PRDM10: variants seen among roughly 807,000 people sequenced by gnomAD.
The protein encoded by PRDM10 is PR/SET domain 10, also known as PR domain zinc finger protein 10.
PRDM10 carries 65 observed loss-of-function variants against 133.1 expected under a neutral mutation model. The observed-to-expected ratio is 0.49, with a 90% CI of 0.40 to 0.60. The LOEUF (loss-of-function observed/expected upper bound fraction) is 0.60. Among genes scored for constraint, PRDM10 ranks in the 20% least tolerant of loss-of-function variants. The pLI, the probability that PRDM10 is intolerant of heterozygous loss-of-function variation, is 0.00. For synonymous variants in PRDM10, 582 were observed against 580.4 expected (o/e 1.00, Z -0.04); for missense variants, 1,137 against 1,507.1 (o/e 0.75, Z 4.07).
intron 1 of PRDM10, among the ~76,000 whole-genome samples, chr11:129,993,289 CTT>C (rs1326294776): frequency 6.6e-6 from 1 of 152,152 alleles, no homozygotes; most frequent in Non-Finnish European, 1.5e-5. Flanking sequence ...CCTGTAGCAT[CTT>C]GTTTAAGAAA....
intron 20 of PRDM10, among the ~76,000 whole-genome samples, chr11:129,903,989 C>T (rs1949929640): frequency 6.6e-6 from 1 of 152,002 alleles, no homozygotes; most frequent in South Asian, 2.1e-4. Flanking sequence ...TCAATGGGTC[C>T]TACAGGGAAC....
chr11:129,916,251 A>G (rs1252110520), intron 15 of PRDM10, among the ~76,000 whole-genome samples: 1 of 152,224 alleles, frequency 6.6e-6, no homozygotes. Context: ...ACCAGGAGCC[A>G]GAGAATCTTC....
chr11:129,912,595 C>CA (rs546651851), intron 17 of PRDM10, among the ~76,000 whole-genome samples: 3 of 151,592 alleles, frequency 2.0e-5, no homozygotes, highest in African/African-American at 7.3e-5. Context: ...ACTGAAAATA[C>CA]AAAAAAATTA....
At chr11:129,979,036 G>C (rs1937955572) in intron 1 of PRDM10, among the ~76,000 whole-genome samples, 1 of 152,156 alleles carries the variant, frequency 6.6e-6, no homozygotes, top group Non-Finnish European at 1.5e-5. Context: ...GAAAATCCTT[G>C]AGAGTTCAAA....
At chr11:129,920,032 T>G (rs905657655) in intron 13 of PRDM10, among the ~76,000 whole-genome samples, 1 of 152,236 alleles carries the variant, frequency 6.6e-6, no homozygotes, top group African/African-American at 2.4e-5. Context: ...CTTTCTTTAG[T>G]GTGGATACAA....
chr11:129,947,523 C>A lies in PRDM10; in HGVS notation c.295-153G>T. On this transcript the variant is annotated intron_variant, in intron 4 of 20. Coordinates refer to ENST00000360871, the MANE Select transcript of PRDM10 (RefSeq NM_199437.2). The surrounding 1 kb of genome is among the most constrained non-coding windows in gnomAD (Gnocchi z 4.6). ...CCCTGGAAAAATGACTTCCATCTAC[C>A]GGCTGTGAGGAAGAGCTGGCTTCAT... The A allele has an allele frequency of 6.6e-7, 1 of 1,504,118 alleles. No individual in the cohort carries two copies. The highest frequency in any genetic ancestry group is 8.9e-7 in the Non-Finnish European group (1 of 1,129,636). 93.2% of individuals were successfully genotyped at this position (1,504,118 alleles called of 1,614,324 possible).
rs966349449 is a variant in PRDM10 at position 129,918,036 on chromosome 11, C to G, written c.2214+503G>C. 6.6e-6 allele frequency among the ~76,000 whole-genome samples: 1 copy of G among 152,060 alleles called. No individual in the cohort carries two copies. The highest frequency in any genetic ancestry group is 1.5e-5 in the Non-Finnish European group (1 of 68,022). On this transcript the variant is annotated intron_variant, in intron 14 of 20. Transcript: ENST00000360871. This position sits in a 1 kb window ranked among gnomAD's most constrained non-coding sequence, Gnocchi z 5.3. ...ATCCCAGCTACTCAGGAGGCTGAAG[C>G]AGGAGAATCGCTTGAACCTGGGAGG... is the stretch of plus-strand genomic sequence containing the variant.
chr11:129,922,771 T>C (rs1046990278), intron 13 of PRDM10, among the ~76,000 whole-genome samples: 1 of 152,214 alleles, frequency 6.6e-6, no homozygotes, highest in Non-Finnish European at 1.5e-5. Context: ...CTCATAATGT[T>C]TTAATCTTTG....
intron 19 of PRDM10, among the ~76,000 whole-genome samples, chr11:129,906,323 G>A (rs907653698): frequency 2.6e-5 from 4 of 152,156 alleles, no homozygotes; most frequent in South Asian, 2.1e-4. Flanking sequence ...CACACAAGAC[G>A]TGACGAAAGG....
intron 1 of PRDM10, among the ~76,000 whole-genome samples, chr11:129,985,621 G>C (rs1286506876): frequency 2.0e-5 from 3 of 151,140 alleles, no homozygotes; most frequent in Non-Finnish European, 4.4e-5. Context: ...GCAAGACCCT[G>C]TCTCTACAAA....
At chr11:129,906,851 G>A (rs1950030710) in intron 19 of PRDM10, among the ~76,000 whole-genome samples, 1 of 152,036 alleles carries the variant, frequency 6.6e-6, no homozygotes. Context: ...GGTGGCGGGT[G>A]CCTGTAGTCC....
At position 129,947,536 on chromosome 11, in the gene PRDM10, G is replaced by A. The variant is rs917366069; in HGVS notation, c.295-166C>T. On this transcript the variant is annotated intron_variant, in intron 4 of 20. Transcript: ENST00000360871. This position sits in a 1 kb window ranked among gnomAD's most constrained non-coding sequence, Gnocchi z 4.6. ...ACTTCCATCTACCGGCTGTGAGGAA[G>A]AGCTGGCTTCATTTTTGATCTGACT... is the stretch of plus-strand genomic sequence containing the variant. 2 of 1,480,402 alleles carry A rather than the reference G, an allele frequency of 1.4e-6. No homozygotes were observed. The highest frequency in any genetic ancestry group is 4.7e-5 in the East Asian group (2 of 42,820). The allele number at this position is 1,480,402 out of a possible 1,614,324, so 91.7% of individuals were successfully genotyped here.
In PRDM10 at chr11:129,915,008, A is replaced by G; in HGVS notation, c.2537T>C (p.Val846Ala). ...SKQYSSKTKM[V>A]QHIRKKHPEF... ...TGGATGCTTCTTTCGAATGTGCTGGACCATCTTGGTCTGAAAAAGCAAGGC... is the reference window on the plus strand; with the variant it reads ...TGGATGCTTCTTTCGAATGTGCTGGGCCATCTTGGTCTGAAAAAGCAAGGC... The change falls in exon 17 of 21, where the codon GTC (valine) becomes GCC (alanine). Residue 846 changes from valine (V) to alanine (A), a missense_variant. Transcript: ENST00000360871. The G allele has an allele frequency of 6.3e-7, 1 of 1,595,314 alleles. No homozygotes were observed. Among genetic ancestry groups the G allele is most frequent in the Non-Finnish European group, 8.6e-7 (1 of 1,164,898 alleles).
intron 1 of PRDM10, among the ~76,000 whole-genome samples, chr11:129,969,877 G>C (rs1282961492): frequency 6.6e-6 from 1 of 152,058 alleles, no homozygotes; most frequent in Non-Finnish European, 1.5e-5. Context: ...TCAAGAAACA[G>C]AAAACACACC....
chr11:129,923,379 G>A lies in PRDM10; in HGVS notation c.1903C>T (p.His635Tyr). The change falls in exon 13 of 21, where the codon CAC becomes TAC. Residue 635 changes from histidine to tyrosine, a missense_variant. Transcript: ENST00000360871. This position sits in a 1 kb window ranked among gnomAD's most constrained non-coding sequence, Gnocchi z 4.4. ...GTGCACTGGTAGATCTTTTCTGAGT[G>A]GAAGCTGCGCACGTGTTTTTTCACC... ...IQVKKHVRSF[H>Y]SEKIYQCTEC... 1.2e-6 allele frequency: 2 copies of A among 1,608,364 alleles called. No individual in the cohort carries two copies. The highest frequency in any genetic ancestry group is 1.7e-6 in the Non-Finnish European group (2 of 1,177,520).
At chr11:129,929,887 T>C (rs1175955038) in intron 11 of PRDM10, among the ~76,000 whole-genome samples, 1 of 152,132 alleles carries the variant, frequency 6.6e-6, no homozygotes, top group Admixed American at 6.6e-5. Flanking sequence ...GAAGGATGGA[T>C]GGGATATTAC....
chr11:130,001,961 C>A (rs939953167), intron 1 of PRDM10, among the ~76,000 whole-genome samples: 221 of 151,776 alleles, frequency 1.5e-3, no homozygotes, highest in Non-Finnish European at 2.8e-3. Flanking sequence ...CGGGCCGGCC[C>A]CCCGCCCCGG....
At chr11:129,958,408 G>T (rs138804425) in intron 2 of PRDM10, among the ~76,000 whole-genome samples, 1 of 152,044 alleles carries the variant, frequency 6.6e-6, no homozygotes, top group African/African-American at 2.4e-5. Context: ...TTGGGAGGCC[G>T]AGGCAGGTGG....
rs774871442 is a variant in PRDM10 at position 129,902,504 on chromosome 11, A to C, written c.3280T>G (p.Leu1094Val). 1.2e-6 allele frequency: 2 copies of C among 1,613,866 alleles called. No individual in the cohort carries two copies. The highest frequency in any genetic ancestry group is 2.7e-5 in the African/African-American group (2 of 74,908). Residue 1094 changes from leucine (L) to valine (V), a missense_variant, in exon 21 of 21, where the codon TTA becomes GTA. By Grantham distance (32) the Leu-to-Val change is conservative. Transcript: ENST00000360871. ...TCCAATTCTGATTGACTTTCTGATA[A>C]CACATAATGACCCTAGAGGAAGAAG... is the stretch of plus-strand genomic sequence containing the variant. ...VKAVTSGHYV[L>V]SESQSELEEK... is the part of the protein sequence containing the mutation.
Sources: gnomAD v4.1 joint callset for allele counts (sites outside exome capture counted in the v4.1 genomes callset) on GRCh38, gnomAD v4.1.1 for gene constraint, Gnocchi (gnomAD v3.1) non-coding constraint, MANE v1.5 for transcripts, NCBI Gene and HGNC (gene_info 2026-07-23, HGNC 2026-07-21) for gene names.